GPC5: variants seen among roughly 807,000 people sequenced by gnomAD.
GPC5 encodes the protein glypican 5, also known as glypican-5.
In GPC5, 47 loss-of-function variants were observed where a neutral mutation model predicts 53.9. That is an observed-to-expected ratio of 0.87 (90% CI 0.69 to 1.11). GPC5 has a LOEUF of 1.11. Ranked by LOEUF, GPC5 falls within the 50% of genes most tolerant of loss-of-function variation. The probability of loss-of-function intolerance (pLI) is 0.00; values close to 1 mark genes in which losing one functional copy is unlikely to be tolerated. For synonymous variants in GPC5, 286 were observed against 263.3 expected (o/e 1.09, Z -0.84); for missense variants, 748 against 713.1 (o/e 1.05, Z -0.56).
intron 6 of GPC5, among the ~76,000 whole-genome samples, chr13:91,950,177 T>C (rs2040013413): frequency 6.6e-6 from 1 of 152,050 alleles, no homozygotes. Flanking sequence ...ACCTCTTTTA[T>C]GATTTGCCAC....
chr13:92,534,996 T>C (rs1881678009), intron 7 of GPC5, among the ~76,000 whole-genome samples: 1 of 152,186 alleles, frequency 6.6e-6, no homozygotes, highest in African/African-American at 2.4e-5. Flanking sequence ...TGCTCGATTC[T>C]GGCCCACAGA....
intron 7 of GPC5, among the ~76,000 whole-genome samples, chr13:92,454,816 A>T (rs922507612): frequency 6.6e-6 from 1 of 152,156 alleles, no homozygotes; most frequent in African/African-American, 2.4e-5. Flanking sequence ...TGATTTTTTT[A>T]AACTTCAGTG....
At chr13:92,240,222 G>T (rs186179592) in intron 7 of GPC5, 1 of 151,310 alleles carries the variant, frequency 6.6e-6, no homozygotes, top group Admixed American at 6.6e-5. Context: ...TATACAGACT[G>T]ACTAAAAATA....
intron 7 of GPC5, among the ~76,000 whole-genome samples, chr13:92,172,000 C>T (rs1195869224): frequency 6.6e-6 from 1 of 152,192 alleles, no homozygotes; most frequent in Non-Finnish European, 1.5e-5. Flanking sequence ...ACCCATTAAC[C>T]AGATTTTAAA....
intron 1 of GPC5, among the ~76,000 whole-genome samples, chr13:91,442,572 C>A (rs73614252): frequency 0.076 from 11,637 of 152,294 alleles, 1,436 homozygotes; most frequent in African/African-American, 0.26. Flanking sequence ...TGTTGAGAAT[C>A]TGGACCATTT....
intron 7 of GPC5, among the ~76,000 whole-genome samples, chr13:92,154,303 A>G (rs1277349413): frequency 6.6e-6 from 1 of 152,172 alleles, no homozygotes; most frequent in African/African-American, 2.4e-5. Flanking sequence ...AACACTAGGG[A>G]TCACATTTCA....
chr13:92,334,764 C>A (rs767971551), intron 7 of GPC5, among the ~76,000 whole-genome samples: 1 of 152,086 alleles, frequency 6.6e-6, no homozygotes, highest in African/African-American at 2.4e-5. Flanking sequence ...CAGTGCAAGT[C>A]CAAAATCTAA....
intron 3 of GPC5, among the ~76,000 whole-genome samples, chr13:91,714,544 A>T (rs1013573952): frequency 6.6e-6 from 1 of 152,206 alleles, no homozygotes; most frequent in Non-Finnish European, 1.5e-5. Context: ...TACTATCTTT[A>T]TGTTTAGAAA....
chr13:91,670,830 A>G (rs1224096875), intron 2 of GPC5, among the ~76,000 whole-genome samples: 1 of 152,188 alleles, frequency 6.6e-6, no homozygotes, highest in East Asian at 1.9e-4. Context: ...CTGAAAACTG[A>G]ACTAACTTCA....
chr13:91,859,827 G>T (rs1272839851), intron 5 of GPC5, among the ~76,000 whole-genome samples: 1 of 151,290 alleles, frequency 6.6e-6, no homozygotes, highest in Non-Finnish European at 1.5e-5. Context: ...TTAAACATAT[G>T]TATTTTTCCA....
intron 7 of GPC5, among the ~76,000 whole-genome samples, chr13:92,674,341 T>C (rs1886857490): frequency 6.6e-6 from 1 of 152,170 alleles, no homozygotes; most frequent in African/African-American, 2.4e-5. Context: ...GAGTCATCTC[T>C]GGTGTTTCAA....
At chr13:91,523,038 T>G (rs1885909058) in intron 2 of GPC5, among the ~76,000 whole-genome samples, 1 of 152,148 alleles carries the variant, frequency 6.6e-6, no homozygotes, top group Non-Finnish European at 1.5e-5. Flanking sequence ...AAAAGAAATG[T>G]AAAATGAGAA....
chr13:92,127,051 G>T (rs2041704039), intron 6 of GPC5, among the ~76,000 whole-genome samples: 1 of 151,894 alleles, frequency 6.6e-6, no homozygotes, highest in Non-Finnish European at 1.5e-5. Flanking sequence ...TGGTTAGAAA[G>T]GATAAACTAC....
At chr13:92,463,510 A>G (rs958156235) in intron 7 of GPC5, among the ~76,000 whole-genome samples, 2 of 152,198 alleles carry the variant, frequency 1.3e-5, no homozygotes, top group Non-Finnish European at 2.9e-5. Context: ...AGCATCTGCT[A>G]TAACGGCAGG....
chr13:92,609,230 C>T (rs1480689101), intron 7 of GPC5, among the ~76,000 whole-genome samples: 2 of 151,614 alleles, frequency 1.3e-5, no homozygotes, highest in Admixed American at 1.3e-4. Flanking sequence ...AAATGCTTAG[C>T]ATATAGTAGG....
intron 2 of GPC5, among the ~76,000 whole-genome samples, chr13:91,454,127 TTATCTC>T (rs1320822992): frequency 2.0e-5 from 3 of 152,054 alleles, no homozygotes; most frequent in Non-Finnish European, 4.4e-5. Flanking sequence ...CAACTGTCCT[TTATCTC>T]TGCAATGTTA....
At chr13:91,729,890 C>T (rs943821132) in intron 4 of GPC5, among the ~76,000 whole-genome samples, 1 of 152,252 alleles carries the variant, frequency 6.6e-6, no homozygotes, top group Admixed American at 6.5e-5. Flanking sequence ...TATTCACTAG[C>T]AAAATGAAAC....
intron 7 of GPC5, among the ~76,000 whole-genome samples, chr13:92,186,494 A>T (rs1271328024): frequency 6.6e-6 from 1 of 152,034 alleles, no homozygotes; most frequent in Non-Finnish European, 1.5e-5. Context: ...TTTCTATAAT[A>T]AAATATATTA....
intron 2 of GPC5, among the ~76,000 whole-genome samples, chr13:91,572,956 A>C (rs548991087): frequency 6.6e-6 from 1 of 152,234 alleles, no homozygotes; most frequent in East Asian, 1.9e-4. Flanking sequence ...CATGGTCACA[A>C]AGGCATACCG....
Sources: gnomAD v4.1 joint callset for allele counts (sites outside exome capture counted in the v4.1 genomes callset) on GRCh38, gnomAD v4.1.1 for gene constraint, MANE v1.5 for transcripts, NCBI Gene and HGNC (gene_info 2026-07-23, HGNC 2026-07-21) for gene names.